The following TRPA1 variants were observed in gnomAD, a reference collection of about 807,000 sequenced individuals.
TRPA1 encodes the protein ankyrin-like with transmembrane domains 1.
TRPA1 carries 129 observed loss-of-function variants against 131.3 expected under a neutral mutation model. The ratio of observed to expected loss-of-function variants is 0.98; its 90% confidence interval spans 0.85 to 1.14. The LOEUF (loss-of-function observed/expected upper bound fraction) is 1.14. Among genes scored for constraint, TRPA1 ranks in the 50% most tolerant of loss-of-function variants. The pLI is 0.00. For missense variants in TRPA1, 1,304 were observed against 1,354.2 expected, an observed-to-expected ratio of 0.96 and a Z score of 0.58; for synonymous variants, 441 against 451.7, an observed-to-expected ratio of 0.98 and a Z score of 0.30.
In TRPA1 at chr8:72,069,060, T is replaced by G; in HGVS notation, c.407A>C (p.His136Pro). 1 of 1,614,232 alleles carries G rather than the reference T, an allele frequency of 6.2e-7. No individual in the cohort carries two copies. The highest frequency in any genetic ancestry group is 2.2e-5 in the East Asian group (1 of 44,882). Residue 136 changes from histidine (H) to proline (P), a missense_variant, in exon 3 of 27, where the codon CAC (histidine) becomes CCC (proline). His to Pro is a moderately conservative substitution (Grantham distance 77). Transcript: ENST00000262209. ...LRNFNMMAPL[H>P]IAVQGMNNEV... is the part of the protein sequence containing the mutation. ...ATTATTCATGCCCTGCACAGCTATG[T>G]GGAGAGGAGCCATCATGTTGAAGTT...
intron 1 of TRPA1, among the ~76,000 whole-genome samples, chr8:72,074,210 A>G (rs998149700): frequency 3.9e-5 from 6 of 152,246 alleles, no homozygotes; most frequent in African/African-American, 1.4e-4. Context: ...AACAAACACA[A>G]AACAGCTTAA....
At chr8:72,063,007 G>A in intron 5 of TRPA1, 63 bp from the exon 6 acceptor site, 1 of 1,476,030 alleles carries the variant, frequency 6.8e-7, no homozygotes, top group Non-Finnish European at 9.2e-7. Context: ...GAGGTTTTTT[G>A]TTAAAAAATA....
At chr8:72,039,492 C>A (rs1289643155) in intron 18 of TRPA1, among the ~76,000 whole-genome samples, 1 of 151,968 alleles carries the variant, frequency 6.6e-6, no homozygotes, top group East Asian at 1.9e-4. Flanking sequence ...TAAGGATAAA[C>A]AATGCCAGCA....
intron 21 of TRPA1, 102 bp from the exon 22 acceptor site, chr8:72,034,479 A>G (rs1811957309): frequency 1.4e-6 from 1 of 714,970 alleles, no homozygotes; most frequent in Non-Finnish European, 2.2e-6. Context: ...TAGATTTCAC[A>G]GATGAGATCA....
Position 72,057,705 on chromosome 8 carries a change from C to T in TRPA1, c.1093+12G>A, listed in dbSNP as rs1187115335. 48 of 1,603,984 alleles carry T rather than the reference C, an allele frequency of 3.0e-5. No individual in the cohort carries two copies. The highest frequency in any genetic ancestry group is 3.8e-5 in the Non-Finnish European group (45 of 1,171,322). On this transcript the variant is annotated intron_variant, in intron 9 of 26. Transcript: ENST00000262209. ...GGCACTTCAAAAGACTTGGCTTGTT[C>T]CCTCTTGGTACCTTTAGAGAGTAGC...
the TRPA1 span, among the ~76,000 whole-genome samples, chr8:72,088,618 C>T: frequency 1.3e-5 from 2 of 152,106 alleles, no homozygotes; most frequent in Non-Finnish European, 2.9e-5. Flanking sequence ...TGAGAGTCTA[C>T]TACTCATCAA....
chr8:72,089,022 T>G, the TRPA1 span, among the ~76,000 whole-genome samples: 3 of 152,206 alleles, frequency 2.0e-5, no homozygotes, highest in Admixed American at 2.0e-4. Context: ...GTCATTTGTT[T>G]TACAGCAAAT....
At chr8:72,033,604 A>T (rs1384966171) in intron 23 of TRPA1, 40 bp downstream of exon 23, 6 of 1,553,516 alleles carry the variant, frequency 3.9e-6, no homozygotes, top group Non-Finnish European at 4.4e-6. Flanking sequence ...AAATGTTTCA[A>T]ATGATCAACA....
chr8:72,062,888 C>A lies in TRPA1; in HGVS notation c.718G>T (p.Ala240Ser). The change falls in exon 6 of 27, where the codon GCC becomes TCC. Residue 240 changes from alanine to serine, a missense_variant. Coordinates refer to ENST00000262209, the MANE Select transcript of TRPA1 (RefSeq NM_007332.3). Reference sequence around the variant, plus strand: ...TGCACAGCCAGGTGGAGAGGGGTGGCTTTCCCATTATTCATAAAGTTAATG... The same window carrying A: ...TGCACAGCCAGGTGGAGAGGGGTGGATTTCCCATTATTCATAAAGTTAATG... ...LHINFMNNGK[A>S]TPLHLAVQNG... The A allele has an allele frequency of 6.2e-7, 1 of 1,613,988 alleles. No homozygotes were observed. The highest frequency in any genetic ancestry group is 1.1e-5 in the South Asian group (1 of 91,074).
the TRPA1 span, among the ~76,000 whole-genome samples, chr8:72,087,061 T>G: frequency 2.6e-5 from 4 of 152,214 alleles, 1 homozygote; most frequent in South Asian, 8.3e-4. Context: ...ACTACTTCTT[T>G]GAAGGCTCAC....
intron 17 of TRPA1, 89 bp from the exon 18 acceptor site, chr8:72,039,886 G>GT: frequency 1.1e-6 from 1 of 914,286 alleles, no homozygotes; most frequent in Admixed American, 1.8e-5. Context: ...TTTTATAACT[G>GT]TGTTTGGTAT....
At chr8:72,037,420 C>T (rs17739502) in intron 20 of TRPA1, among the ~76,000 whole-genome samples, 12,923 of 152,052 alleles carry the variant, frequency 0.085, 630 homozygotes, top group Middle Eastern at 0.12. Flanking sequence ...AAGGTAGGAC[C>T]TGCAGATAAT....
chr8:72,046,470 G>GA (rs202019635), intron 17 of TRPA1, 43 bp downstream of exon 17: 66 of 1,034,918 alleles, frequency 6.4e-5, no homozygotes, highest in East Asian at 1.5e-4. Flanking sequence ...AAAAAAAAAA[G>GA]AAAAAAAAGA....
At chr8:72,061,566 T>C in intron 7 of TRPA1, 59 bp downstream of exon 7, 1 of 1,605,296 alleles carries the variant, frequency 6.2e-7, no homozygotes, top group Non-Finnish European at 8.5e-7. Flanking sequence ...CCTTGCAATG[T>C]CTAATTTCAC....
Position 72,038,965 on chromosome 8 carries a change from G to C in TRPA1, c.2195C>G (p.Pro732Arg). The C allele has an allele frequency of 6.2e-7, 1 of 1,612,960 alleles. No homozygotes were observed. The highest frequency in any genetic ancestry group is 8.5e-7 in the Non-Finnish European group (1 of 1,179,358). ...NLGSYCLGLI[P>R]MTILVVNIKP... Reference sequence around the variant, plus strand: ...TATATTGACAACGAGAATGGTCATAGGTATGAGACCAAGACAGTAAGATCC... The same window carrying C: ...TATATTGACAACGAGAATGGTCATACGTATGAGACCAAGACAGTAAGATCC... Residue 732 changes from proline to arginine, a missense_variant, in exon 19 of 27, where the codon CCT (proline) becomes CGT (arginine). By Grantham distance (103) the Pro-to-Arg change is moderately radical (BLOSUM62 -2). Transcript: ENST00000262209.
At chr8:72,087,434 A>G in the TRPA1 span, among the ~76,000 whole-genome samples, 8 of 152,312 alleles carry the variant, frequency 5.3e-5, no homozygotes, top group Admixed American at 2.6e-4. Context: ...CTAGCTGAAC[A>G]TATAGATGCT....
the TRPA1 span, among the ~76,000 whole-genome samples, chr8:72,087,762 C>T: frequency 1.3e-5 from 2 of 151,834 alleles, no homozygotes; most frequent in African/African-American, 4.8e-5. Context: ...TTTGCTTGTC[C>T]TATTAACCTC....
chr8:72,038,759 T>G, intron 19 of TRPA1, 106 bp downstream of exon 19: 3 of 976,208 alleles, frequency 3.1e-6, no homozygotes, highest in Non-Finnish European at 4.5e-6. Context: ...TACAGGCTAT[T>G]TATAATAAAG....
intron 24 of TRPA1, 161 bp downstream of exon 24, chr8:72,029,740 T>A: frequency 1.3e-6 from 1 of 763,348 alleles, no homozygotes; most frequent in Non-Finnish European, 2.3e-6. Flanking sequence ...GTCAGCCACA[T>A]GATCAGGAGG....
Sources: gnomAD v4.1 joint callset for allele counts (sites outside exome capture counted in the v4.1 genomes callset) on GRCh38, gnomAD v4.1.1 for gene constraint, MANE v1.5 for transcripts, NCBI Gene and HGNC (gene_info 2026-07-23, HGNC 2026-07-21) for gene names.